SDK2: variants seen among roughly 807,000 people sequenced by gnomAD.
SDK2 encodes the protein protein sidekick-2.
Under a neutral mutation model 253.9 loss-of-function variants are expected in SDK2, and 105 were observed. That is an observed-to-expected ratio of 0.41 (90% confidence interval 0.35 to 0.49). The LOEUF (loss-of-function observed/expected upper bound fraction) is 0.49. Ranked by LOEUF, SDK2 falls within the 20% of genes least tolerant of loss-of-function variation. SDK2 has a pLI of 0.06. For missense variants in SDK2, 2,608 were observed against 3,003.0 expected (o/e 0.87, Z 3.07); for synonymous variants, 1,249 against 1,234.9 (o/e 1.01, Z -0.24).
intron 1 of SDK2, among the ~76,000 whole-genome samples, chr17:73,564,600 G>A (rs912427703): frequency 2.0e-5 from 3 of 152,234 alleles, no homozygotes; most frequent in Admixed American, 2.0e-4. Flanking sequence ...CGAGACAGGT[G>A]GATCACTTGA....
rs2062705349 is a variant in SDK2, at chr17:73,368,468, G to A, written c.5106C>T (p.Ala1702=). The change falls in exon 37 of 45, where the codon GCC becomes GCT. Residue 1702 remains alanine, a synonymous_variant. Coordinates refer to ENST00000392650, the MANE Select transcript of SDK2 (RefSeq NM_001144952.2). ...GAGGCCCATCCCCAGCGGCGTTGAA[G>A]GCGGCCACGCTGACCATGTAGGCCG... is the stretch of plus-strand genomic sequence containing the variant. ...GYTAYMVSVA[A]FNAAGDGPRS... is the part of the protein sequence containing the mutation. 1.2e-6 allele frequency: 2 copies of A among 1,607,634 alleles called. No individual in the cohort carries two copies. Among genetic ancestry groups the A allele is most frequent in the Non-Finnish European group, 1.7e-6 (2 of 1,177,310 alleles).
chr17:73,415,037 C>A (rs1351222143), intron 17 of SDK2, among the ~76,000 whole-genome samples: 1 of 152,172 alleles, frequency 6.6e-6, no homozygotes, highest in Non-Finnish European at 1.5e-5. Flanking sequence ...AGGTGGAATG[C>A]TAAAAGTAAG....
At chr17:73,462,527 G>A (rs1409789562) in intron 3 of SDK2, among the ~76,000 whole-genome samples, 2 of 152,038 alleles carry the variant, frequency 1.3e-5, no homozygotes, top group South Asian at 4.1e-4. Context: ...TGTGTGGTGG[G>A]ATGAATGGTT....
intron 1 of SDK2, among the ~76,000 whole-genome samples, chr17:73,586,488 G>A (rs751483227): frequency 2.6e-4 from 40 of 152,010 alleles, no homozygotes; most frequent in Admixed American, 1.2e-3. Flanking sequence ...AATTAATAGC[G>A]GTCTTCTTAA....
intron 15 of SDK2, among the ~76,000 whole-genome samples, chr17:73,420,714 C>T (rs927508215): frequency 6.6e-6 from 1 of 151,730 alleles, no homozygotes; most frequent in Non-Finnish European, 1.5e-5. Context: ...TCACTCTTGT[C>T]CCCCAGGCTG....
At chr17:73,462,590 A>G (rs115342174) in intron 3 of SDK2, among the ~76,000 whole-genome samples, 229 of 152,206 alleles carry the variant, frequency 1.5e-3, no homozygotes, top group African/African-American at 5.3e-3. Context: ...GGTTGTGTGT[A>G]TGCATGTTTA....
chr17:73,550,738 T>C (rs1007324857), intron 1 of SDK2, among the ~76,000 whole-genome samples: 20 of 152,290 alleles, frequency 1.3e-4, no homozygotes, highest in Admixed American at 1.3e-3. Context: ...TTGCAGGTGA[T>C]AATCAGCGAG....
At chr17:73,540,390 C>T (rs1197872045) in intron 1 of SDK2, among the ~76,000 whole-genome samples, 1 of 152,208 alleles carries the variant, frequency 6.6e-6, no homozygotes, top group African/African-American at 2.4e-5. Flanking sequence ...CACACACAGT[C>T]CCCAATATAC....
intron 2 of SDK2, among the ~76,000 whole-genome samples, chr17:73,488,089 C>T (rs1280176312): frequency 6.6e-6 from 1 of 152,126 alleles, no homozygotes; most frequent in Non-Finnish European, 1.5e-5. Context: ...GATCTCGGCT[C>T]ACTGCAAGCT....
rs888277582 is a variant in SDK2 at position 73,496,330 on chromosome 17, A to G, written c.224+11108T>C. On this transcript the variant is annotated intron_variant, in intron 2 of 44. Transcript: ENST00000392650. This position sits in a 1 kb window ranked among gnomAD's most constrained non-coding sequence, Gnocchi z 4.7. ...GATTAGGCAGTTTGCTCAAAGGCAC[A>G]CAGTGAGTCAGGGGCAGGACTGGAC... Among the ~76,000 whole-genome samples the G allele has an allele frequency of 7.9e-5, 12 of 152,208 alleles. No individual in the cohort carries two copies. Among genetic ancestry groups the G allele is most frequent in the Non-Finnish European group, 1.6e-4 (11 of 68,046 alleles).
intron 10 of SDK2, among the ~76,000 whole-genome samples, chr17:73,433,268 G>A (rs2063341632): frequency 6.6e-6 from 1 of 151,484 alleles, no homozygotes; most frequent in East Asian, 2.0e-4. Context: ...GCCTGGCAAG[G>A]CTGGGATGTG....
intron 18 of SDK2, among the ~76,000 whole-genome samples, chr17:73,407,496 TACCAA>T: frequency 6.6e-6 from 1 of 152,276 alleles, no homozygotes; most frequent in Middle Eastern, 3.4e-3. Context: ...CTAATAATAC[TACCAA>T]ACCCAAAACA....
chr17:73,497,715 C>T (rs2063854481), intron 2 of SDK2, among the ~76,000 whole-genome samples: 1 of 152,078 alleles, frequency 6.6e-6, no homozygotes, highest in Non-Finnish European at 1.5e-5. Context: ...CTCCTCTCTG[C>T]TCTCTTCCAC....
In SDK2 at chr17:73,455,778, C is replaced by T. The variant is rs1341052910; in HGVS notation, c.479+128G>A. The T allele has an allele frequency of 9.2e-7, 1 of 1,088,198 alleles. No homozygotes were observed. Among genetic ancestry groups the T allele is most frequent in the African/African-American group, 1.6e-5 (1 of 61,584 alleles). 67.4% of individuals were successfully genotyped at this position (1,088,198 alleles called of 1,614,324 possible). On this transcript the variant is annotated intron_variant, in intron 4 of 44. Coordinates refer to ENST00000392650, the MANE Select transcript of SDK2 (RefSeq NM_001144952.2). This position sits in a 1 kb window ranked among gnomAD's most constrained non-coding sequence, Gnocchi z 5.0. ...TGGGAGGTCCCCTACCTGGCTGTGT[C>T]CCACAGGAGCTGAAAGGGGCTTCTG...
At chr17:73,423,627 A>G in intron 13 of SDK2, 105 bp from the exon 14 acceptor site, 1 of 1,288,728 alleles carries the variant, frequency 7.8e-7, no homozygotes, top group South Asian at 1.9e-5. Context: ...ATGATACCGC[A>G]TGCTTAGACG....
At chr17:73,583,898 C>T (rs1340606085) in intron 1 of SDK2, among the ~76,000 whole-genome samples, 2 of 152,232 alleles carry the variant, frequency 1.3e-5, no homozygotes, top group Non-Finnish European at 2.9e-5. Flanking sequence ...TCAGTTTCCT[C>T]AACTGTCAAA....
intron 1 of SDK2, among the ~76,000 whole-genome samples, chr17:73,542,291 G>T (rs1049521367): frequency 1.3e-5 from 2 of 152,256 alleles, no homozygotes; most frequent in African/African-American, 4.8e-5. Flanking sequence ...TTGCCTGACA[G>T]CAGCAGGGGC....
chr17:73,515,158 A>G (rs1386541562), intron 1 of SDK2, among the ~76,000 whole-genome samples: 1 of 152,248 alleles, frequency 6.6e-6, no homozygotes, highest in Non-Finnish European at 1.5e-5. Flanking sequence ...ACCAACGCTC[A>G]GAAAGGTTCT....
At position 73,559,625 on chromosome 17, in the gene SDK2, CAT is replaced by C. The variant is rs1032640585; in HGVS notation, c.65-52030_65-52029del. Among the ~76,000 whole-genome samples, 38 of 146,638 alleles carry C rather than the reference CAT, an allele frequency of 2.6e-4. 1 individual carries two copies. The highest frequency in any genetic ancestry group is 8.5e-4 in the African/African-American group (33 of 38,830). On this transcript the variant is annotated intron_variant, in intron 1 of 44. Transcript: ENST00000392650. ...CCCCCGCCCCCGCCACCATACCACA[CAT>C]GTCACCATACTGTGGCTGCTCTCCA...
Sources: allele counts gnomAD v4.1 joint callset (sites outside exome capture counted in the v4.1 genomes callset), GRCh38; gene constraint gnomAD v4.1.1; non-coding constraint Gnocchi (gnomAD v3.1); transcripts MANE v1.5; gene names NCBI Gene and HGNC (gene_info 2026-07-23, HGNC 2026-07-21).